Variants in SLC22A7 observed in about 807,000 individuals in gnomAD.
SLC22A7 encodes the protein solute carrier family 22 member 7, also known as hOAT2.
In SLC22A7, 48 loss-of-function variants were observed where a neutral mutation model predicts 62.2. That is an observed-to-expected ratio of 0.77 (90% confidence interval 0.61 to 0.98). The LOEUF (loss-of-function observed/expected upper bound fraction) is 0.98. Among genes scored for constraint, SLC22A7 ranks in the 50% least tolerant of loss-of-function variants. SLC22A7 has a pLI of 0.00. For synonymous variants in SLC22A7, 276 were observed against 314.8 expected (o/e 0.88, Z 1.30); for missense variants, 581 against 703.8 (o/e 0.83, Z 1.97).
In SLC22A7 at chr6:43,299,834, T is replaced by A. The variant is rs1224722951; in HGVS notation, c.658+53T>A. ...CTAGAGGGCTGGAAGAAGGCAGTTG[T>A]CAGAGTGAGGCTGAGCCCATCTGGT... On this transcript the variant is annotated intron_variant, in intron 4 of 10. Coordinates refer to ENST00000372585, the MANE Select transcript of SLC22A7 (RefSeq NM_153320.2). The surrounding 1 kb of genome is among the most constrained non-coding windows in gnomAD (Gnocchi z 4.4). The A allele has an allele frequency of 6.2e-7, 1 of 1,614,172 alleles. No individual in the cohort carries two copies.
chr6:43,304,622 A>T, intron 10 of SLC22A7, 49 bp from the exon 11 acceptor site: 1 of 1,555,714 alleles, frequency 6.4e-7, no homozygotes, highest in Middle Eastern at 1.7e-4. Flanking sequence ...CTGGGGTGGT[A>T]GGCTCGGGGA....
At position 43,298,716 on chromosome 6, in the gene SLC22A7, G is replaced by T; in HGVS notation, c.358G>T (p.Asp120Tyr). ...GCCCTGCTCTCAGGGCTGGGAGTAC[G>T]ACCACTCAGAATTCTCCTCTACCAT... ...TVPCSQGWEY[D>Y]HSEFSSTIAT... The change falls in exon 1 of 11, where the codon GAC (aspartate) becomes TAC (tyrosine). Residue 120 changes from aspartate to tyrosine, a missense_variant. Asp to Tyr is a radical substitution (Grantham distance 160). Coordinates refer to ENST00000372585, the MANE Select transcript of SLC22A7 (RefSeq NM_153320.2). The T allele has an allele frequency of 6.6e-7, 1 of 1,526,290 alleles. No individual in the cohort carries two copies. Among genetic ancestry groups the T allele is most frequent in the South Asian group, 1.3e-5 (1 of 76,240 alleles). 94.5% of individuals were successfully genotyped at this position (1,526,290 alleles called of 1,614,324 possible).
intron 9 of SLC22A7, chr6:43,303,090 G>A: frequency 1.0e-6 from 1 of 984,688 alleles, no homozygotes; most frequent in East Asian, 1.1e-4. Flanking sequence ...CCTAGTCTTG[G>A]AGAAGGCAGA....
chr6:43,302,755 G>A lies in SLC22A7; in HGVS notation c.1377G>A (p.Thr459=), dbSNP rs747441302. The change falls in exon 9 of 11, where the codon ACG becomes ACA. Residue 459 remains threonine (T), a synonymous_variant. Coordinates refer to ENST00000372585, the MANE Select transcript of SLC22A7 (RefSeq NM_153320.2). This position sits in a 1 kb window ranked among gnomAD's most constrained non-coding sequence, Gnocchi z 5.0. ...TGTTCACTTCAGAGTTGTACCCTAC[G>A]GTGCTCAGGTGAGGAAGCCTGCAAC... ...AYLFTSELYP[T]VLRQTGMGLT... The A allele has an allele frequency of 9.3e-6, 15 of 1,604,634 alleles. No individual in the cohort carries two copies. Among genetic ancestry groups the A allele is most frequent in the South Asian group, 6.7e-5 (6 of 89,644 alleles).
At position 43,304,859 on chromosome 6, in the gene SLC22A7, C is replaced by T; in HGVS notation, c.*134C>T. On this transcript the variant is annotated 3_prime_UTR_variant, in exon 11 of 11. Coordinates refer to ENST00000372585, the MANE Select transcript of SLC22A7 (RefSeq NM_153320.2). ...CGGAGTTGCTGCCAGTACCCGCTCC[C>T]TCTGCTCATCCATCCTTGATTATTT... 1 of 568,916 alleles carries T rather than the reference C, an allele frequency of 1.8e-6. No individual in the cohort carries two copies. The highest frequency in any genetic ancestry group is 3.0e-6 in the Non-Finnish European group (1 of 335,270). The allele number at this position is 568,916 out of a possible 1,614,324, so 35.2% of individuals were successfully genotyped here.
chr6:43,304,245 G>C lies in SLC22A7; in HGVS notation c.1592+1G>C, dbSNP rs201333774. ...CCATCCAGGACGTGGAGAGAAAGAG[G>C]TGTGTGCACAGGACTGTGTCTGTGT... is the stretch of plus-strand genomic sequence containing the variant. On this transcript the variant is annotated splice_donor_variant, in intron 10 of 10. Transcript: ENST00000372585. LOFTEE classifies it high-confidence loss of function. The C allele has an allele frequency of 1.6e-5, 25 of 1,550,458 alleles. No individual in the cohort carries two copies. The highest frequency in any genetic ancestry group is 2.2e-5 in the Non-Finnish European group (25 of 1,146,684).
chr6:43,301,475 C>T (rs900566921), intron 6 of SLC22A7, 108 bp from the exon 7 acceptor site: 1 of 1,059,444 alleles, frequency 9.4e-7, no homozygotes, highest in Non-Finnish European at 1.4e-6. Context: ...ATCTCCATCC[C>T]CACCACTGCA....
At position 43,305,026 on chromosome 6, in the gene SLC22A7, C is replaced by G. The variant is rs1778892317; in HGVS notation, c.*301C>G. On this transcript the variant is annotated 3_prime_UTR_variant, in exon 11 of 11. Coordinates refer to ENST00000372585, the MANE Select transcript of SLC22A7 (RefSeq NM_153320.2). The stretch of plus-strand genomic sequence containing the variant: ...TGTGGGAAGAGCCCTGGATAGGAAG[C>G]CACTGAGTCTGCCCTGGGCTCTGAT... 7.0e-6 allele frequency: 2 copies of G among 284,910 alleles called. No homozygotes were observed. Among genetic ancestry groups the G allele is most frequent in the African/African-American group, 4.4e-5 (2 of 45,766 alleles). 17.6% of individuals were successfully genotyped at this position (284,910 alleles called of 1,614,324 possible).
chr6:43,296,269 A>T (rs1204130637), upstream of SLC22A7, among the ~76,000 whole-genome samples: 1 of 152,248 alleles, frequency 6.6e-6, no homozygotes, highest in East Asian at 1.9e-4. Context: ...TAACCACTGC[A>T]TGATTATCAG....
Position 43,302,848 on chromosome 6 carries a change from C to T in SLC22A7, c.1385+85C>T, listed in dbSNP as rs1582554112. The T allele has an allele frequency of 1.4e-5, 12 of 868,068 alleles. No individual in the cohort carries two copies. The South Asian group carries it at 1.9e-4, about 14-fold the overall frequency. 53.8% of individuals were successfully genotyped at this position (868,068 alleles called of 1,614,324 possible). A position where few individuals can be genotyped will look rare whatever the true frequency, so the allele number is the denominator to read the frequency against. On this transcript the variant is annotated intron_variant, in intron 9 of 10. Coordinates refer to ENST00000372585, the MANE Select transcript of SLC22A7 (RefSeq NM_153320.2). The surrounding 1 kb of genome is among the most constrained non-coding windows in gnomAD (Gnocchi z 5.0). ...ACACTTCTACATACACGCACCACAA[C>T]CTGGTCTCTCACTCATTTTTTTTTT...
rs376945988 is a variant in SLC22A7, at chr6:43,300,011, C to T, written c.772C>T (p.Arg258Ter). ...ALVGYLIRDWRWLLLAVTLPC... is the reference protein window; with the variant it reads ...ALVGYLIRDW Reference sequence around the variant, plus strand: ...GGTTGGGTACCTGATACGGGACTGGCGATGGCTTCTGCTAGCTGTCACCCT... The same window carrying T: ...GGTTGGGTACCTGATACGGGACTGGTGATGGCTTCTGCTAGCTGTCACCCT... The change falls in exon 5 of 11, where the codon CGA becomes TGA. Residue 258 changes from arginine to a stop codon, truncating the protein, a stop_gained. Coordinates refer to ENST00000372585, the MANE Select transcript of SLC22A7 (RefSeq NM_153320.2). LOFTEE classifies it high-confidence loss of function. The T allele has an allele frequency of 1.1e-5, 17 of 1,614,016 alleles. No individual in the cohort carries two copies. The Middle Eastern group carries it at 1.2e-3, about 109-fold the overall frequency.
Position 43,299,881 on chromosome 6 carries a change from C to G in SLC22A7, c.659-17C>G. On this transcript the variant is annotated splice_polypyrimidine_tract_variant and intron_variant, in intron 4 of 10. Coordinates refer to ENST00000372585, the MANE Select transcript of SLC22A7 (RefSeq NM_153320.2). This position sits in a 1 kb window ranked among gnomAD's most constrained non-coding sequence, Gnocchi z 4.4. Reference sequence around the variant, plus strand: ...TGGTCCTCACTAACCATCTTCCTGTCTCCTGTCCTGGCCCAGAGCTGGAGT... The same window carrying G: ...TGGTCCTCACTAACCATCTTCCTGTGTCCTGTCCTGGCCCAGAGCTGGAGT... The G allele has an allele frequency of 6.2e-7, 1 of 1,614,206 alleles. No homozygotes were observed. The highest frequency in any genetic ancestry group is 8.5e-7 in the Non-Finnish European group (1 of 1,180,028).
chr6:43,304,646 T>C, intron 10 of SLC22A7, 25 bp from the exon 11 acceptor site: 2 of 1,601,274 alleles, frequency 1.2e-6, no homozygotes, highest in Non-Finnish European at 8.5e-7. Context: ...AACCCCACCA[T>C]TGCTCACAAC....
At position 43,304,749 on chromosome 6, in the gene SLC22A7, A is replaced by G; in HGVS notation, c.*24A>G. 1.3e-6 allele frequency: 2 copies of G among 1,534,872 alleles called. No individual in the cohort carries two copies. The highest frequency in any genetic ancestry group is 2.4e-5 in the South Asian group (2 of 82,482). On this transcript the variant is annotated 3_prime_UTR_variant, in exon 11 of 11. Transcript: ENST00000372585. ...AAGTGGGAGTGGAGGCAGGCCCTCC[A>G]CAGAAGCTCTGCAGCAGGGGCTGGG...
rs1299289219 is a variant in SLC22A7 at position 43,301,611 on chromosome 6, G to A, written c.980G>A (p.Arg327Gln). The change falls in exon 7 of 11, where the codon CGG becomes CAG. Residue 327 changes from arginine (R) to glutamine (Q), a missense_variant. Physicochemically the swap from Arg to Gln is conservative, Grantham distance 43 (BLOSUM62 1). Coordinates refer to ENST00000372585, the MANE Select transcript of SLC22A7 (RefSeq NM_153320.2). ...GTGAGCAAAGTGGCCGCCGGGGAACGGGTGGTCCGAAGACCTTCATACCTA... is the reference window on the plus strand; with the variant it reads ...GTGAGCAAAGTGGCCGCCGGGGAACAGGTGGTCCGAAGACCTTCATACCTA... ...EAVSKVAAGERVVRRPSYLDL... is the reference protein window; with the variant it reads ...EAVSKVAAGEQVVRRPSYLDL... The A allele has an allele frequency of 3.7e-6, 6 of 1,614,102 alleles. No individual in the cohort carries two copies. The highest frequency in any genetic ancestry group is 1.1e-5 in the South Asian group (1 of 91,056).
chr6:43,303,209 C>T, intron 9 of SLC22A7: 1 of 977,992 alleles, frequency 1.0e-6, no homozygotes, highest in Non-Finnish European at 1.2e-6. Flanking sequence ...GCCTGTAATC[C>T]CAGCATTTTG....
chr6:43,297,437 T>C (rs558399362), upstream of SLC22A7, among the ~76,000 whole-genome samples: 18 of 152,352 alleles, frequency 1.2e-4, no homozygotes, highest in African/African-American at 4.1e-4. Context: ...GTACTTTTGC[T>C]GCAGGGACCA....
Position 43,299,494 on chromosome 6 carries a change from G to T in SLC22A7, c.503+1G>T, listed in dbSNP as rs1439881920. 1 of 1,610,928 alleles carries T rather than the reference G, an allele frequency of 6.2e-7. No individual in the cohort carries two copies. The highest frequency in any genetic ancestry group is 8.5e-7 in the Non-Finnish European group (1 of 1,178,132). On this transcript the variant is annotated splice_donor_variant, in intron 3 of 10. Transcript: ENST00000372585. LOFTEE classifies it high-confidence loss of function. The surrounding 1 kb of genome is among the most constrained non-coding windows in gnomAD (Gnocchi z 4.4). ...TGGCCTTTGGATATCTGTCCGACAG[G>T]TGGGGTGAGGCACTGGGCCAATAAG... is the stretch of plus-strand genomic sequence containing the variant.
At chr6:43,298,867 A>T in intron 1 of SLC22A7, 116 bp downstream of exon 1, 4 of 1,429,984 alleles carry the variant, frequency 2.8e-6, no homozygotes, top group Non-Finnish European at 3.8e-6. Flanking sequence ...TCAGTTTACC[A>T]ATCTGTAGAT....
Sources: allele counts gnomAD v4.1 joint callset (sites outside exome capture counted in the v4.1 genomes callset), GRCh38; gene constraint gnomAD v4.1.1; non-coding constraint Gnocchi (gnomAD v3.1); transcripts MANE v1.5; gene names NCBI Gene and HGNC (gene_info 2026-07-23, HGNC 2026-07-21).